Variants in ARHGEF7 observed in about 807,000 individuals in gnomAD.
ARHGEF7 encodes the protein PAK-interacting exchange factor beta.
ARHGEF7 carries 33 observed loss-of-function variants against 109.8 expected under a neutral mutation model. The ratio of observed to expected loss-of-function variants is 0.30; its 90% CI spans 0.23 to 0.40. The LOEUF is 0.40. Among genes scored for constraint, ARHGEF7 ranks in the 10% least tolerant of loss-of-function variants. ARHGEF7 has a pLI of 1.00. For synonymous variants in ARHGEF7, 458 were observed against 424.6 expected (o/e 1.08, Z -0.97); for missense variants, 938 against 1,098.5 (o/e 0.85, Z 2.07).
rs936360326 is a variant in ARHGEF7 at position 111,299,337 on chromosome 13, AT to A, written c.2312-1388del. On this transcript the variant is annotated intron_variant, in intron 19 of 21. Transcript: ENST00000646102. ...CAGTAAAATGCTGGTGAAGCCATTC[AT>A]TTTTTTTTTTTTTTTTTTTTTTGAG... Among the ~76,000 whole-genome samples the A allele has an allele frequency of 4.0e-3, 429 of 106,074 alleles. 1 individual carries two copies. Among genetic ancestry groups the A allele is most frequent in the African/African-American group, 0.013 (361 of 28,110 alleles). 69.6% of individuals were successfully genotyped at this position (106,074 alleles called of 152,430 possible). A position where few individuals can be genotyped will look rare whatever the true frequency, so the allele number is the denominator to read the frequency against.
At chr13:111,153,867 C>T (rs775870593) in intron 1 of ARHGEF7, 38 bp from the exon 2 acceptor site, 4 of 1,578,548 alleles carry the variant, frequency 2.5e-6, no homozygotes, top group Middle Eastern at 3.4e-4. Flanking sequence ...GTCCCCGCTG[C>T]CGGCCACGGC....
chr13:111,154,692 T>A (rs2076166832), intron 2 of ARHGEF7, among the ~76,000 whole-genome samples: 1 of 152,214 alleles, frequency 6.6e-6, no homozygotes, highest in Admixed American at 6.5e-5. Flanking sequence ...TCAGTGGCAG[T>A]TTCTGGGAAT....
At chr13:111,281,261 T>G (rs2092766737) in intron 15 of ARHGEF7, among the ~76,000 whole-genome samples, 1 of 143,332 alleles carries the variant, frequency 7.0e-6, no homozygotes, top group Non-Finnish European at 1.5e-5. Flanking sequence ...AAACCTCTCC[T>G]GGTGTTTTGT....
chr13:111,153,612 C>A (rs984307584), intron 1 of ARHGEF7: 5 of 1,167,384 alleles, frequency 4.3e-6, no homozygotes, highest in Admixed American at 5.1e-5. Flanking sequence ...GAAGACGTCC[C>A]GCGCGGGCCG....
chr13:111,265,291 T>G (rs56118333), intron 8 of ARHGEF7, among the ~76,000 whole-genome samples: 19,942 of 152,156 alleles, frequency 0.13, 1,459 homozygotes, highest in Middle Eastern at 0.2. Flanking sequence ...GCTCAGTAAA[T>G]TTTCTTAAAT....
intron 1 of ARHGEF7, among the ~76,000 whole-genome samples, chr13:111,126,210 G>A (rs1380253608): frequency 6.6e-6 from 1 of 152,198 alleles, no homozygotes; most frequent in East Asian, 1.9e-4. Context: ...AGGCTTTAAG[G>A]CTGGGCGCGG....
In ARHGEF7 at chr13:111,255,530, C is replaced by T. The variant is rs1247831551; in HGVS notation, c.950+11236C>T. Among the ~76,000 whole-genome samples the T allele has an allele frequency of 6.6e-6, 1 of 152,202 alleles. No individual in the cohort carries two copies. The highest frequency in any genetic ancestry group is 2.4e-5 in the African/African-American group (1 of 41,454). On this transcript the variant is annotated intron_variant, in intron 8 of 21. Coordinates refer to ENST00000646102, the MANE Select transcript of ARHGEF7 (RefSeq NM_001354046.2). This position sits in a 1 kb window ranked among gnomAD's most constrained non-coding sequence, Gnocchi z 4.1. ...TGCAAATGCTCGGGGCCCTACTTGG[C>T]GTCTGGAGCTGAGTTCTCCTGCAGC...
intron 6 of ARHGEF7, among the ~76,000 whole-genome samples, chr13:111,237,786 A>C (rs2087037003): frequency 6.6e-6 from 1 of 152,236 alleles, no homozygotes; most frequent in African/African-American, 2.4e-5. Flanking sequence ...ATGAAATTAC[A>C]CAGGTGATAT....
rs546119245 is a variant in ARHGEF7, at chr13:111,280,797, A to G, written c.1725+120A>G. The G allele has an allele frequency of 5.0e-5, 57 of 1,142,218 alleles. No homozygotes were observed. In the African/African-American group the frequency reaches 8.4e-4, roughly 17 times the overall value. The allele number at this position is 1,142,218 out of a possible 1,614,324, so 70.8% of individuals were successfully genotyped here. ...AATATTTGGATAAAAAGTGCAAAAC[A>G]CTTGCTTCACATTTCTCTGCAGATC... On this transcript the variant is annotated intron_variant, in intron 15 of 21. Transcript: ENST00000646102.
intron 5 of ARHGEF7, among the ~76,000 whole-genome samples, chr13:111,220,273 G>A (rs1041556352): frequency 5.3e-5 from 8 of 152,216 alleles, no homozygotes; most frequent in African/African-American, 1.9e-4. Flanking sequence ...GCCAAGGAGA[G>A]TTGAGGTTAC....
At chr13:111,276,474 G>A (rs2092489487) in intron 12 of ARHGEF7, among the ~76,000 whole-genome samples, 1 of 152,154 alleles carries the variant, frequency 6.6e-6, no homozygotes, top group Non-Finnish European at 1.5e-5. Context: ...CATCTTTTCA[G>A]AAGAAGTTTC....
intron 13 of ARHGEF7, among the ~76,000 whole-genome samples, chr13:111,277,948 T>C (rs922441430): frequency 6.6e-6 from 1 of 152,246 alleles, no homozygotes; most frequent in Admixed American, 6.5e-5. Flanking sequence ...TGTCATTGCC[T>C]TCTGTCGTTT....
In ARHGEF7 at chr13:111,255,515, C is replaced by T. The variant is rs1017957882; in HGVS notation, c.950+11221C>T. ...ACTTACGGAACCATCTGCAAATGCT[C>T]GGGGCCCTACTTGGCGTCTGGAGCT... On this transcript the variant is annotated intron_variant, in intron 8 of 21. Coordinates refer to ENST00000646102, the MANE Select transcript of ARHGEF7 (RefSeq NM_001354046.2). This position sits in a 1 kb window ranked among gnomAD's most constrained non-coding sequence, Gnocchi z 4.1. Among the ~76,000 whole-genome samples the T allele has an allele frequency of 2.0e-5, 3 of 152,176 alleles. No homozygotes were observed. The highest frequency in any genetic ancestry group is 6.5e-5 in the Admixed American group (1 of 15,272).
chr13:111,122,588 G>C (rs2067269273), intron 1 of ARHGEF7: 1 of 152,264 alleles, frequency 6.6e-6, no homozygotes, highest in African/African-American at 2.4e-5. Context: ...GAACTGAAAT[G>C]GAATGTGTGC....
rs1202119066 is a variant in ARHGEF7 at position 111,272,096 on chromosome 13, GT to G, written c.1074-1714del. On this transcript the variant is annotated intron_variant, in intron 9 of 21. Coordinates refer to ENST00000646102, the MANE Select transcript of ARHGEF7 (RefSeq NM_001354046.2). This position sits in a 1 kb window ranked among gnomAD's most constrained non-coding sequence, Gnocchi z 5.2. ...AGGCTGGTTTCCTAATGACTGTTTG[GT>G]TTTCAGCATGGTGTTTGAATCGGTT... Among the ~76,000 whole-genome samples the G allele has an allele frequency of 4.6e-5, 7 of 152,202 alleles. No homozygotes were observed. The highest frequency in any genetic ancestry group is 8.8e-5 in the Non-Finnish European group (6 of 68,018).
chr13:111,222,139 C>T (rs2084517132), intron 5 of ARHGEF7, among the ~76,000 whole-genome samples: 1 of 152,096 alleles, frequency 6.6e-6, no homozygotes, highest in Admixed American at 6.5e-5. Flanking sequence ...ACAGACACAC[C>T]CAGGATTAAT....
At chr13:111,147,235 T>G (rs958268075) in intron 1 of ARHGEF7, among the ~76,000 whole-genome samples, 6 of 152,238 alleles carry the variant, frequency 3.9e-5, no homozygotes, top group African/African-American at 1.4e-4. Flanking sequence ...ATTGCCGGTC[T>G]TAGGGTAGAT....
chr13:111,268,911 T>C (rs4773339), intron 9 of ARHGEF7, among the ~76,000 whole-genome samples: 50,171 of 152,112 alleles, frequency 0.33, 8,839 homozygotes, highest in Non-Finnish European at 0.39. Context: ...TTCCTGGGTG[T>C]GCTCAAATAT....
intron 19 of ARHGEF7, among the ~76,000 whole-genome samples, chr13:111,297,385 T>C (rs2093450825): frequency 6.6e-6 from 1 of 152,204 alleles, no homozygotes; most frequent in Non-Finnish European, 1.5e-5. Context: ...CCACCTTACA[T>C]TTGTGTATCC....
Sources: allele counts gnomAD v4.1 joint callset (sites outside exome capture counted in the v4.1 genomes callset), GRCh38; gene constraint gnomAD v4.1.1; non-coding constraint Gnocchi (gnomAD v3.1); transcripts MANE v1.5; gene names NCBI Gene and HGNC (gene_info 2026-07-23, HGNC 2026-07-21).